Variants in CCSER1 observed in about 807,000 individuals in gnomAD.
The protein encoded by CCSER1 is coiled-coil serine rich protein 1.
CCSER1 carries 41 observed loss-of-function variants against 82.0 expected under a neutral mutation model. The ratio of observed to expected loss-of-function variants is 0.50; its 90% CI spans 0.39 to 0.65. The LOEUF is 0.65. CCSER1 is among the 30% of genes least tolerant of loss of function. The probability of loss-of-function intolerance (pLI) is 0.00; values close to 1 mark genes in which losing one functional copy is unlikely to be tolerated. For synonymous variants in CCSER1, 414 were observed against 383.9 expected (o/e 1.08, Z -0.92); for missense variants, 1,119 against 1,064.2 (o/e 1.05, Z -0.72).
At chr4:91,466,269 T>C (rs541551545) in intron 10 of CCSER1, among the ~76,000 whole-genome samples, 1 of 152,162 alleles carries the variant, frequency 6.6e-6, no homozygotes, top group Non-Finnish European at 1.5e-5. Flanking sequence ...ATTATCTCAA[T>C]AGATGAAGAA....
chr4:91,226,911 G>C (rs1168617616), intron 10 of CCSER1, among the ~76,000 whole-genome samples: 2 of 151,802 alleles, frequency 1.3e-5, no homozygotes. Context: ...ATATATCACA[G>C]TCTCAGTTGC....
chr4:90,325,966 C>A (rs930051848), intron 3 of CCSER1, among the ~76,000 whole-genome samples: 1 of 149,906 alleles, frequency 6.7e-6, no homozygotes, highest in African/African-American at 2.4e-5. Flanking sequence ...AATTGTCTCA[C>A]AAACTATCAC....
rs371445463 is a variant in CCSER1 at position 91,213,661 on chromosome 4, T to C, written c.2217+127667T>C. ...ACTTTCAACTGCAAAATCAAAGAAGTATAAAAATTGTAGAATGAATTTACA... is the reference window on the plus strand; with the variant it reads ...ACTTTCAACTGCAAAATCAAAGAAGCATAAAAATTGTAGAATGAATTTACA... On this transcript the variant is annotated intron_variant, in intron 10 of 10. Transcript: ENST00000509176. 7.2e-5 allele frequency among the ~76,000 whole-genome samples: 11 copies of C among 152,228 alleles called. No individual in the cohort carries two copies. The South Asian group carries it at 2.1e-3, about 29-fold the overall frequency.
chr4:90,900,610 G>A (rs1364924993), intron 8 of CCSER1, among the ~76,000 whole-genome samples: 1 of 151,634 alleles, frequency 6.6e-6, no homozygotes, highest in Non-Finnish European at 1.5e-5. Flanking sequence ...ATTTTCTTGT[G>A]TAGTTCTAGT....
chr4:91,371,877 G>C (rs1031110175), intron 10 of CCSER1, among the ~76,000 whole-genome samples: 1 of 151,972 alleles, frequency 6.6e-6, no homozygotes, highest in Non-Finnish European at 1.5e-5. Context: ...TGAGCTTTCT[G>C]ATCCCAAGAC....
At chr4:91,162,942 T>C (rs1327045110) in intron 10 of CCSER1, among the ~76,000 whole-genome samples, 1 of 152,208 alleles carries the variant, frequency 6.6e-6, no homozygotes, top group African/African-American at 2.4e-5. Flanking sequence ...TCAGTTCTGC[T>C]CTGATCTTAG....
chr4:90,603,234 C>T (rs1784238673), intron 5 of CCSER1, among the ~76,000 whole-genome samples: 1 of 152,338 alleles, frequency 6.6e-6, no homozygotes, highest in Admixed American at 6.5e-5. Context: ...CCATTATTTG[C>T]TATCAGGTTA....
intron 7 of CCSER1, among the ~76,000 whole-genome samples, chr4:90,739,199 C>G (rs1746137127): frequency 6.6e-6 from 1 of 152,212 alleles, no homozygotes; most frequent in Admixed American, 6.5e-5. Flanking sequence ...CCTGCCAGGA[C>G]TGGGTCCTTC....
At chr4:91,358,391 G>GT (rs34378206) in intron 10 of CCSER1, among the ~76,000 whole-genome samples, 56,426 of 126,430 alleles carry the variant, frequency 0.45, 13,810 homozygotes, top group East Asian at 0.8. Flanking sequence ...CCTGACCCAC[G>GT]TTGTTTTTTT....
At position 91,218,782 on chromosome 4, in the gene CCSER1, A is replaced by G. The variant is rs917549255; in HGVS notation, c.2217+132788A>G. Among the ~76,000 whole-genome samples the G allele has an allele frequency of 4.6e-5, 7 of 152,180 alleles. 1 individual carries two copies. Among genetic ancestry groups the G allele is most frequent in the African/African-American group, 1.7e-4 (7 of 41,440 alleles). ...ATAATATTGCCTTGCTTATATTACC[A>G]TAAGTGACCAACACTGGCCTATCTG... On this transcript the variant is annotated intron_variant, in intron 10 of 10. Coordinates refer to ENST00000509176, the MANE Select transcript of CCSER1 (RefSeq NM_001145065.2).
At position 90,994,216 on chromosome 4, in the gene CCSER1, A is replaced by G. The variant is rs1737293999; in HGVS notation, c.2172+70769A>G. ...TAGAGATGGAAACCCCATCTCTACAAAAAAAGGAAGAAAAAAGAAAATGCA... is the reference window on the plus strand; with the variant it reads ...TAGAGATGGAAACCCCATCTCTACAGAAAAAGGAAGAAAAAAGAAAATGCA... On this transcript the variant is annotated intron_variant, in intron 9 of 10. Transcript: ENST00000509176. Among the ~76,000 whole-genome samples the G allele has an allele frequency of 1.3e-5, 2 of 151,446 alleles. 1 individual carries two copies. Among genetic ancestry groups the G allele is most frequent in the Admixed American group, 1.3e-4 (2 of 15,152 alleles).
At chr4:90,442,627 C>T (rs1438622939) in intron 4 of CCSER1, among the ~76,000 whole-genome samples, 1 of 152,104 alleles carries the variant, frequency 6.6e-6, no homozygotes, top group Non-Finnish European at 1.5e-5. Flanking sequence ...AATTGGTAGA[C>T]ACAGGAAAGC....
intron 3 of CCSER1, among the ~76,000 whole-genome samples, chr4:90,393,781 T>TA: frequency 6.8e-6 from 1 of 147,090 alleles, no homozygotes; most frequent in African/African-American, 2.5e-5. Context: ...CCTTTTTTTT[T>TA]TTTTTTTTTT....
intron 1 of CCSER1, among the ~76,000 whole-genome samples, chr4:90,193,916 A>C (rs1736119701): frequency 2.0e-5 from 3 of 152,090 alleles, no homozygotes. Flanking sequence ...TTCATTCTCT[A>C]TTTAACATAT....
rs148787530 is a variant in CCSER1, at chr4:90,666,787, T to C, written c.1932+38555T>C. ...TACTGTTGAGAAGTTTGTTAAAAAT[T>C]TTCCAAGAGTAAAGTAGAAAATTTT... On this transcript the variant is annotated intron_variant, in intron 6 of 10. Transcript: ENST00000509176. 5.0e-4 allele frequency among the ~76,000 whole-genome samples: 76 copies of C among 152,150 alleles called. No homozygotes were observed. In the East Asian group the frequency reaches 0.014, roughly 28 times the overall value.
At chr4:91,453,841 T>C (rs1321248879) in intron 10 of CCSER1, among the ~76,000 whole-genome samples, 3 of 152,052 alleles carry the variant, frequency 2.0e-5, no homozygotes, top group African/African-American at 7.2e-5. Flanking sequence ...CATCTGGTGA[T>C]AGGCCATTTA....
intron 6 of CCSER1, among the ~76,000 whole-genome samples, chr4:90,650,466 T>C (rs1010875975): frequency 6.6e-6 from 1 of 152,078 alleles, no homozygotes; most frequent in African/African-American, 2.4e-5. Context: ...AAACTTATGA[T>C]GAAAAAAGGA....
At chr4:90,205,941 C>T (rs1273117789) in intron 1 of CCSER1, among the ~76,000 whole-genome samples, 1 of 151,974 alleles carries the variant, frequency 6.6e-6, no homozygotes, top group Non-Finnish European at 1.5e-5. Context: ...TGTATGTGTT[C>T]AGGAATTTAT....
intron 4 of CCSER1, among the ~76,000 whole-genome samples, chr4:90,403,270 C>T (rs989334748): frequency 1.3e-5 from 2 of 151,948 alleles, no homozygotes; most frequent in Non-Finnish European, 2.9e-5. Context: ...GAGGCTGAGG[C>T]GGGTGGATCA....
Sources: gnomAD v4.1 joint callset for allele counts (sites outside exome capture counted in the v4.1 genomes callset) on GRCh38, gnomAD v4.1.1 for gene constraint, MANE v1.5 for transcripts, NCBI Gene and HGNC (gene_info 2026-07-23, HGNC 2026-07-21) for gene names.